Variants in PPP2R3A observed in about 807,000 individuals in gnomAD.
The protein encoded by PPP2R3A is serine/threonine-protein phosphatase 2A regulatory subunit B'' subunit alpha.
Under a neutral mutation model 106.9 loss-of-function variants are expected in PPP2R3A, and 80 were observed. The ratio of observed to expected loss-of-function variants is 0.75; its 90% CI spans 0.62 to 0.90. The LOEUF (loss-of-function observed/expected upper bound fraction) is 0.90, where lower values mean the gene tolerates loss of function less well. Ranked by LOEUF, PPP2R3A falls within the 40% of genes least tolerant of loss-of-function variation. The pLI, the probability that PPP2R3A is intolerant of heterozygous loss-of-function variation, is 0.00. For synonymous variants in PPP2R3A, 483 were observed against 468.3 expected, an observed-to-expected ratio of 1.03 and a Z score of -0.41; for missense variants, 1,386 against 1,350.4, an observed-to-expected ratio of 1.03 and a Z score of -0.41.
intron 3 of PPP2R3A, among the ~76,000 whole-genome samples, chr3:136,034,026 T>C (rs1462219919): frequency 6.9e-6 from 1 of 144,730 alleles, no homozygotes; most frequent in African/African-American, 2.5e-5. Flanking sequence ...AGACTTTTTT[T>C]CTTTTTCTTT....
At chr3:135,967,283 T>A (rs564554314) in intron 1 of PPP2R3A, among the ~76,000 whole-genome samples, 2 of 152,292 alleles carry the variant, frequency 1.3e-5, no homozygotes, top group East Asian at 3.9e-4. Context: ...AACAAAGCTT[T>A]GGGAAAGTGT....
chr3:136,120,134 G>T (rs917431188), intron 13 of PPP2R3A, among the ~76,000 whole-genome samples: 1 of 149,478 alleles, frequency 6.7e-6, no homozygotes, highest in Non-Finnish European at 1.5e-5. Flanking sequence ...AGGCCTGTCC[G>T]GGGGGGGTGG....
chr3:136,106,375 C>G, intron 13 of PPP2R3A, 53 bp downstream of exon 13: 1 of 1,465,430 alleles, frequency 6.8e-7, no homozygotes, highest in Non-Finnish European at 9.5e-7. Context: ...TGCGCATGTC[C>G]AGAGTATTAA....
intron 8 of PPP2R3A, among the ~76,000 whole-genome samples, chr3:136,085,039 G>T (rs1479460340): frequency 6.6e-6 from 1 of 152,200 alleles, no homozygotes; most frequent in Non-Finnish European, 1.5e-5. Context: ...ACTTTGGGGG[G>T]ACTGTTGCGA....
At chr3:135,995,590 G>A (rs2400734) in intron 1 of PPP2R3A, among the ~76,000 whole-genome samples, 1 of 150,810 alleles carries the variant, frequency 6.6e-6, no homozygotes, top group African/African-American at 2.4e-5. Flanking sequence ...TCCTGCCTCA[G>A]CCTCCCAAGT....
intron 2 of PPP2R3A, among the ~76,000 whole-genome samples, chr3:136,016,865 C>T (rs1398122293): frequency 6.6e-6 from 1 of 152,040 alleles, no homozygotes; most frequent in Non-Finnish European, 1.5e-5. Context: ...TTAGTTGTTG[C>T]CTGAATACCT....
chr3:136,141,370 T>C (rs1355977234), intron 13 of PPP2R3A, among the ~76,000 whole-genome samples: 2 of 152,012 alleles, frequency 1.3e-5, no homozygotes, highest in Non-Finnish European at 2.9e-5. Flanking sequence ...GGCCAGAATA[T>C]AGTGAGCAAC....
chr3:136,046,561 A>G (rs538243383), intron 4 of PPP2R3A, among the ~76,000 whole-genome samples: 4 of 152,236 alleles, frequency 2.6e-5, no homozygotes, highest in Non-Finnish European at 5.9e-5. Flanking sequence ...ACCACAGTCA[A>G]ACCCTCAAGG....
Position 136,003,438 on chromosome 3 carries a change from A to T in PPP2R3A, c.1940A>T (p.Lys647Ile), listed in dbSNP as rs1347758083. Reference sequence around the variant, plus strand: ...GTCTGTAGAAGTCCTGTTGGTGATAAAGCCAAAGATACTACTTCAGCAGTT... The same window carrying T: ...GTCTGTAGAAGTCCTGTTGGTGATATAGCCAAAGATACTACTTCAGCAGTT... ...LSVCRSPVGD[K>I]AKDTTSAVLI... The change falls in exon 2 of 14, where the codon AAA becomes ATA. Residue 647 changes from lysine (K) to isoleucine (I), a missense_variant. By Grantham distance (102) the Lys-to-Ile change is moderately radical. Transcript: ENST00000264977. The T allele has an allele frequency of 6.2e-7, 1 of 1,613,810 alleles. No homozygotes were observed. Among genetic ancestry groups the T allele is most frequent in the East Asian group, 2.2e-5 (1 of 44,878 alleles).
At chr3:136,103,757 G>A (rs1937442856) in intron 12 of PPP2R3A, among the ~76,000 whole-genome samples, 2 of 152,142 alleles carry the variant, frequency 1.3e-5, no homozygotes, top group Non-Finnish European at 2.9e-5. Context: ...TCATTTCCAG[G>A]ATTCCATGGT....
chr3:136,066,192 G>A (rs1035535472), intron 5 of PPP2R3A, among the ~76,000 whole-genome samples: 21 of 152,056 alleles, frequency 1.4e-4, no homozygotes, highest in Non-Finnish European at 2.8e-4. Flanking sequence ...TTTTACAGGG[G>A]AATTCTGCCA....
intron 6 of PPP2R3A, among the ~76,000 whole-genome samples, chr3:136,073,856 A>G (rs1936516814): frequency 6.6e-6 from 1 of 152,258 alleles, no homozygotes; most frequent in Non-Finnish European, 1.5e-5. Context: ...TTTCTAGAAC[A>G]AATGTAAAAT....
rs144413869 is a variant in PPP2R3A at position 136,039,344 on chromosome 3, A to G, written c.2263-1515A>G. Among the ~76,000 whole-genome samples, 476 of 152,326 alleles carry G rather than the reference A, an allele frequency of 3.1e-3. 6 individuals carry two copies. Among genetic ancestry groups the G allele is most frequent in the Non-Finnish European group, 4.3e-3 (291 of 68,022 alleles). On this transcript the variant is annotated intron_variant, in intron 3 of 13. Transcript: ENST00000264977. ...TTTGGGATATGTTTTCTGTGTGTGT[A>G]GAAATTGAGATGATTTGGAGACTAT...
intron 13 of PPP2R3A, among the ~76,000 whole-genome samples, chr3:136,115,287 G>C (rs1339721713): frequency 6.6e-6 from 1 of 152,128 alleles, no homozygotes; most frequent in Non-Finnish European, 1.5e-5. Flanking sequence ...CACAAAGATG[G>C]GGAGAAACTA....
intron 13 of PPP2R3A, among the ~76,000 whole-genome samples, chr3:136,118,512 G>A (rs910168698): frequency 3.9e-5 from 6 of 152,130 alleles, no homozygotes; most frequent in Admixed American, 1.3e-4. Context: ...TTAAGCTGAT[G>A]AGCAACTTCA....
At chr3:135,968,691 C>A (rs1331937929) in intron 1 of PPP2R3A, among the ~76,000 whole-genome samples, 8 of 152,148 alleles carry the variant, frequency 5.3e-5, no homozygotes, top group Non-Finnish European at 1.0e-4. Context: ...TGCTCCCTCC[C>A]CCAGCTACCA....
intron 6 of PPP2R3A, among the ~76,000 whole-genome samples, chr3:136,074,054 T>C (rs1936522869): frequency 6.6e-6 from 1 of 152,174 alleles, no homozygotes; most frequent in Admixed American, 6.5e-5. Flanking sequence ...ACCATGTGAC[T>C]CTATTGAATG....
At chr3:136,043,069 A>G (rs1340850426) in intron 4 of PPP2R3A, among the ~76,000 whole-genome samples, 1 of 152,166 alleles carries the variant, frequency 6.6e-6, no homozygotes, top group Non-Finnish European at 1.5e-5. Flanking sequence ...ATTATACAGA[A>G]TTAAAACATT....
intron 1 of PPP2R3A, among the ~76,000 whole-genome samples, chr3:135,991,380 G>A (rs1440752261): frequency 6.8e-6 from 1 of 147,214 alleles, no homozygotes; most frequent in Admixed American, 6.6e-5. Flanking sequence ...GAAATTGTGT[G>A]AATTAAAGTA....
Sources: gnomAD v4.1 joint callset for allele counts (sites outside exome capture counted in the v4.1 genomes callset) on GRCh38, gnomAD v4.1.1 for gene constraint, MANE v1.5 for transcripts, NCBI Gene and HGNC (gene_info 2026-07-23, HGNC 2026-07-21) for gene names.